The following RBFOX1 variants were observed in gnomAD, a reference collection of about 807,000 sequenced individuals.
RBFOX1 encodes RNA binding fox-1 homolog 1, also known as RNA binding protein fox-1 homolog 1.
A neutral mutation model predicts 57.7 loss-of-function variants in RBFOX1; 8 were observed. The observed-to-expected ratio is 0.14, with a 90% confidence interval of 0.08 to 0.25. The LOEUF (loss-of-function observed/expected upper bound fraction) is 0.25. RBFOX1 is among the 10% of genes least tolerant of loss of function. RBFOX1 has a pLI of 1.00. For missense variants in RBFOX1, 611 were observed against 548.5 expected, an observed-to-expected ratio of 1.11 and a Z score of -1.14; for synonymous variants, 326 against 222.4, an observed-to-expected ratio of 1.47 and a Z score of -4.15.
Position 6,019,509 on chromosome 16 carries a change from C to T in RBFOX1, c.-610C>T, listed in dbSNP as rs916117161. ...CGCCCCAGCCCCCCAGCAGCACCCG[C>T]GGTGGGGCGGGGGCGCTCTGCCAGC... On this transcript the variant is annotated 5_prime_UTR_variant, in exon 1 of 16. Coordinates refer to ENST00000550418, the MANE Select transcript of RBFOX1 (RefSeq NM_018723.4). This position sits in a 1 kb window ranked among gnomAD's most constrained non-coding sequence, Gnocchi z 4.2. The T allele has an allele frequency of 4.8e-6, 5 of 1,036,658 alleles. No individual in the cohort carries two copies. Among genetic ancestry groups the T allele is most frequent in the Non-Finnish European group, 5.8e-6 (5 of 863,402 alleles). 64.2% of individuals were successfully genotyped at this position (1,036,658 alleles called of 1,614,324 possible).
At chr16:6,063,120 C>G (rs548416596) in intron 1 of RBFOX1, among the ~76,000 whole-genome samples, 63 of 152,168 alleles carry the variant, frequency 4.1e-4, no homozygotes, top group African/African-American at 1.5e-3. Context: ...GAGCAAACAA[C>G]GGGACACCAC....
intron 4 of RBFOX1, among the ~76,000 whole-genome samples, chr16:7,155,629 A>G (rs565609465): frequency 1.4e-5 from 2 of 145,396 alleles, no homozygotes; most frequent in Admixed American, 1.4e-4. Flanking sequence ...TAAGAGAAAT[A>G]CCAATATTCC....
chr16:5,388,671 G>A (rs1226898353), intron 1 of RBFOX1, among the ~76,000 whole-genome samples: 1 of 151,920 alleles, frequency 6.6e-6, no homozygotes, highest in African/African-American at 2.4e-5. Context: ...CCACCTCCCG[G>A]GTTCAAGCGA....
At chr16:6,400,180 C>T (rs774776986) in intron 2 of RBFOX1, among the ~76,000 whole-genome samples, 4 of 152,164 alleles carry the variant, frequency 2.6e-5, no homozygotes, top group Non-Finnish European at 5.9e-5. Context: ...CATGAAATAT[C>T]CCCTCAAAGT....
intron 2 of RBFOX1, among the ~76,000 whole-genome samples, chr16:6,650,447 T>C (rs545796531): frequency 1.3e-4 from 20 of 152,252 alleles, no homozygotes; most frequent in Admixed American, 5.9e-4. Context: ...GGTTACAGAT[T>C]TAAGCTCCCT....
Position 7,701,894 on chromosome 16 carries a change from A to C in RBFOX1, c.996-7162A>C, listed in dbSNP as rs542319527. Among the ~76,000 whole-genome samples the C allele has an allele frequency of 1.0e-3, 153 of 152,292 alleles. 1 individual carries two copies. Among genetic ancestry groups the C allele is most frequent in the African/African-American group, 3.5e-3 (147 of 41,576 alleles). On this transcript the variant is annotated intron_variant, in intron 14 of 15. Transcript: ENST00000550418. ...CCCAATACATCCAAGTAGTTATGTTAATGCTTTCAGGAGGGTTTCTCCCTG... is the reference window on the plus strand; with the variant it reads ...CCCAATACATCCAAGTAGTTATGTTCATGCTTTCAGGAGGGTTTCTCCCTG...
intron 2 of RBFOX1, among the ~76,000 whole-genome samples, chr16:6,595,717 C>G (rs1481085327): frequency 6.6e-6 from 1 of 152,086 alleles, no homozygotes; most frequent in Non-Finnish European, 1.5e-5. Context: ...GTCACGAATA[C>G]TTGTTATTAT....
chr16:7,223,726 A>AAC (rs1555597267), intron 4 of RBFOX1, among the ~76,000 whole-genome samples: 1 of 149,662 alleles, frequency 6.7e-6, no homozygotes, highest in Non-Finnish European at 1.5e-5. Flanking sequence ...AAAAAAAAAA[A>AAC]AAAAAGAAAA....
chr16:7,007,351 T>A (rs2153646769), intron 3 of RBFOX1, among the ~76,000 whole-genome samples: 1 of 152,342 alleles, frequency 6.6e-6, no homozygotes, highest in Non-Finnish European at 1.5e-5. Flanking sequence ...CTGCCATATG[T>A]ACCTCATTGC....
chr16:7,379,532 G>T (rs1386488133), intron 4 of RBFOX1, among the ~76,000 whole-genome samples: 1 of 152,182 alleles, frequency 6.6e-6, no homozygotes, highest in Non-Finnish European at 1.5e-5. Flanking sequence ...TGGAGTTTTA[G>T]TACTTTCTGC....
At chr16:7,287,727 C>G (rs552690241) in intron 4 of RBFOX1, among the ~76,000 whole-genome samples, 27 of 152,100 alleles carry the variant, frequency 1.8e-4, no homozygotes, top group Admixed American at 1.8e-3. Flanking sequence ...TTGAAAATAT[C>G]TATGTAGATC....
At chr16:7,168,276 T>G (rs1320015544) in intron 4 of RBFOX1, among the ~76,000 whole-genome samples, 6 of 152,072 alleles carry the variant, frequency 3.9e-5, no homozygotes, top group Admixed American at 2.0e-4. Context: ...GAGTGGGTTT[T>G]CTTCTTCTCA....
At chr16:5,893,044 C>T (rs1003334976) in intron 4 of RBFOX1, among the ~76,000 whole-genome samples, 1 of 152,160 alleles carries the variant, frequency 6.6e-6, no homozygotes, top group African/African-American at 2.4e-5. Flanking sequence ...CTTTCAGTGA[C>T]CCAACCCAGC....
intron 3 of RBFOX1, among the ~76,000 whole-genome samples, chr16:7,047,734 TTTTTTTTTTTTGTCTTCAA>T (rs2048500926): frequency 7.0e-6 from 1 of 143,824 alleles, no homozygotes; most frequent in Admixed American, 6.9e-5. Context: ...TTTTTTTTTT[TTTTTTTTTTTTGTCTTCAA>T]TTTTTTTTTC....
chr16:6,634,555 A>G (rs1267756487), intron 2 of RBFOX1, among the ~76,000 whole-genome samples: 1 of 148,046 alleles, frequency 6.8e-6, no homozygotes, highest in Non-Finnish European at 1.5e-5. Flanking sequence ...ATTTAAATAT[A>G]AAAGTATATT....
chr16:7,709,868 G>A (rs1271545225), intron 15 of RBFOX1: 24 of 1,145,344 alleles, frequency 2.1e-5, no homozygotes, highest in Non-Finnish European at 2.5e-5. Context: ...TCACGTGAGA[G>A]CATATGCAAT....
At chr16:5,348,057 A>C (rs1596604899) in intron 1 of RBFOX1, among the ~76,000 whole-genome samples, 7 of 85,110 alleles carry the variant, frequency 8.2e-5, no homozygotes, top group Admixed American at 1.5e-4. Context: ...CCACCCTTCC[A>C]CTCAGTCACC....
intron 4 of RBFOX1, among the ~76,000 whole-genome samples, chr16:7,124,488 C>A (rs2151862264): frequency 6.8e-6 from 1 of 147,840 alleles, no homozygotes. Context: ...AACCATCCTC[C>A]CTCCCTTCCT....
intron 3 of RBFOX1, among the ~76,000 whole-genome samples, chr16:6,907,675 A>G (rs1004895903): frequency 1.3e-5 from 2 of 152,126 alleles, no homozygotes; most frequent in African/African-American, 4.8e-5. Flanking sequence ...GGTTCAAGCA[A>G]TTCTCCTGGC....
Sources: gnomAD v4.1 joint callset for allele counts (sites outside exome capture counted in the v4.1 genomes callset) on GRCh38, gnomAD v4.1.1 for gene constraint, Gnocchi (gnomAD v3.1) non-coding constraint, MANE v1.5 for transcripts, NCBI Gene and HGNC (gene_info 2026-07-23, HGNC 2026-07-21) for gene names.